THEMIS: variants seen among roughly 807,000 people sequenced by gnomAD.
THEMIS encodes the protein protein THEMIS.
Under a neutral mutation model 52.6 loss-of-function variants are expected in THEMIS, and 37 were observed. The observed-to-expected ratio is 0.70, with a 90% confidence interval of 0.54 to 0.93. The LOEUF (loss-of-function observed/expected upper bound fraction) is 0.93. Ranked by LOEUF, THEMIS falls within the 40% of genes least tolerant of loss-of-function variation. The pLI is 0.00. For synonymous variants in THEMIS, 292 were observed against 272.7 expected, an observed-to-expected ratio of 1.07 and a Z score of -0.70; for missense variants, 808 against 763.1, an observed-to-expected ratio of 1.06 and a Z score of -0.69.
chr6:127,843,392 C>T (rs764072147), intron 2 of THEMIS, among the ~76,000 whole-genome samples: 2 of 151,594 alleles, frequency 1.3e-5, no homozygotes, highest in Non-Finnish European at 2.9e-5. Context: ...TTGTGCTGAG[C>T]ACTTGAAATG....
At chr6:127,860,370 A>G (rs1039845486) in intron 1 of THEMIS, among the ~76,000 whole-genome samples, 1 of 152,156 alleles carries the variant, frequency 6.6e-6, no homozygotes, top group Non-Finnish European at 1.5e-5. Flanking sequence ...CTAGGAAATG[A>G]TCTTTCCAGG....
chr6:127,891,248 C>T (rs1236715657), intron 1 of THEMIS, among the ~76,000 whole-genome samples: 3 of 151,864 alleles, frequency 2.0e-5, no homozygotes, highest in Non-Finnish European at 2.9e-5. Context: ...CCTTACATTT[C>T]GGCCAGGCGC....
At chr6:127,833,537 C>T (rs1778770895) in intron 2 of THEMIS, among the ~76,000 whole-genome samples, 1 of 152,172 alleles carries the variant, frequency 6.6e-6, no homozygotes, top group South Asian at 2.1e-4. Flanking sequence ...CCAGTCTTGC[C>T]TCCCTGTTGC....
chr6:127,791,622 G>A (rs1345360971), intron 4 of THEMIS, among the ~76,000 whole-genome samples: 1 of 152,124 alleles, frequency 6.6e-6, no homozygotes, highest in Non-Finnish European at 1.5e-5. Context: ...GCTCCTTTCT[G>A]CCCAGGAGCC....
intron 4 of THEMIS, among the ~76,000 whole-genome samples, chr6:127,804,694 C>G (rs1157762527): frequency 6.6e-6 from 1 of 152,062 alleles, no homozygotes; most frequent in Non-Finnish European, 1.5e-5. Flanking sequence ...GAAATCAGAA[C>G]CAATGAAGAG....
chr6:127,739,055 A>G (rs897674963), intron 4 of THEMIS, among the ~76,000 whole-genome samples: 33 of 152,046 alleles, frequency 2.2e-4, no homozygotes, highest in African/African-American at 8.0e-4. Context: ...TCATCTTCAC[A>G]TTGACTTTTC....
At chr6:127,910,641 G>A (rs765808047) in intron 1 of THEMIS, among the ~76,000 whole-genome samples, 1 of 152,086 alleles carries the variant, frequency 6.6e-6, no homozygotes, top group Admixed American at 6.6e-5. Context: ...ATAATTATTT[G>A]AGAATAGGTT....
intron 4 of THEMIS, among the ~76,000 whole-genome samples, chr6:127,735,310 CGTGTGTGCGT>C (rs1218339865): frequency 1.4e-5 from 2 of 143,064 alleles, no homozygotes; most frequent in Admixed American, 6.9e-5. Flanking sequence ...CAAATAGGGG[CGTGTGTGCGT>C]GTGTGTGTGT....
upstream of THEMIS, among the ~76,000 whole-genome samples, chr6:127,902,700 CT>C (rs1157706379): frequency 6.6e-6 from 1 of 152,100 alleles, no homozygotes; most frequent in Non-Finnish European, 1.5e-5. Context: ...AAATTCCTCA[CT>C]GGCAACTTTT....
intron 4 of THEMIS, among the ~76,000 whole-genome samples, chr6:127,787,880 TATAG>T (rs1554224618): frequency 2.2e-4 from 26 of 120,002 alleles, no homozygotes; most frequent in African/African-American, 6.0e-4. Flanking sequence ...GATAGATAGA[TATAG>T]ATAGATAGAT....
intron 4 of THEMIS, among the ~76,000 whole-genome samples, chr6:127,808,779 G>A (rs958436045): frequency 1.2e-4 from 18 of 151,646 alleles, no homozygotes; most frequent in African/African-American, 4.1e-4. Flanking sequence ...TTTCTTTTTA[G>A]GTATTGCTAA....
chr6:127,787,253 C>G (rs993821514), intron 4 of THEMIS, among the ~76,000 whole-genome samples: 3 of 151,826 alleles, frequency 2.0e-5, no homozygotes, highest in Non-Finnish European at 4.4e-5. Flanking sequence ...CTTTCCTGCA[C>G]TCTAGCATGC....
intron 2 of THEMIS, among the ~76,000 whole-genome samples, chr6:127,849,605 G>T (rs924558758): frequency 6.6e-5 from 10 of 151,788 alleles, no homozygotes; most frequent in African/African-American, 2.4e-4. Flanking sequence ...TTACAGTCAG[G>T]TGATCATCAA....
intron 1 of THEMIS, among the ~76,000 whole-genome samples, chr6:127,882,919 C>T (rs531202508): frequency 6.6e-6 from 1 of 151,910 alleles, no homozygotes; most frequent in Non-Finnish European, 1.5e-5. Context: ...TTAAAGTAGG[C>T]ATGATTTTTG....
the THEMIS span, among the ~76,000 whole-genome samples, chr6:127,702,688 C>T: frequency 2.6e-5 from 4 of 151,652 alleles, no homozygotes; most frequent in Non-Finnish European, 5.9e-5. Context: ...AAGACATACC[C>T]GAGACTGGGC....
chr6:127,766,138 T>C (rs1776191515), intron 4 of THEMIS, among the ~76,000 whole-genome samples: 1 of 152,164 alleles, frequency 6.6e-6, no homozygotes, highest in African/African-American at 2.4e-5. Flanking sequence ...TCTCTGTCCA[T>C]GGTGCCTTAA....
rs6904101 is a variant in THEMIS at position 127,802,274 on chromosome 6, A to G, written c.1758+10609T>C. Among the ~76,000 whole-genome samples, 398 of 152,292 alleles carry G rather than the reference A, an allele frequency of 2.6e-3. 2 individuals carry two copies. Among genetic ancestry groups the G allele is most frequent in the African/African-American group, 8.9e-3 (368 of 41,578 alleles). On this transcript the variant is annotated intron_variant, in intron 4 of 5. Transcript: ENST00000368248. ...TATACCCTTGACCAATGCCTTGCAA[A>G]ATAGATTTATGAGGGCAGCACCTGC... is the stretch of plus-strand genomic sequence containing the variant.
intron 4 of THEMIS, among the ~76,000 whole-genome samples, chr6:127,792,260 T>A (rs1292370445): frequency 1.3e-5 from 2 of 152,186 alleles, no homozygotes; most frequent in Non-Finnish European, 2.9e-5. Context: ...ACAGTGAAGT[T>A]GAAAAAGATA....
At chr6:127,796,299 T>C (rs900269896) in intron 4 of THEMIS, among the ~76,000 whole-genome samples, 2 of 152,140 alleles carry the variant, frequency 1.3e-5, no homozygotes, top group African/African-American at 4.8e-5. Flanking sequence ...CATCAGAAAT[T>C]AGGGATTAGA....
Sources: gnomAD v4.1 joint callset for allele counts (sites outside exome capture counted in the v4.1 genomes callset) on GRCh38, gnomAD v4.1.1 for gene constraint, MANE v1.5 for transcripts, NCBI Gene and HGNC (gene_info 2026-07-23, HGNC 2026-07-21) for gene names.